The following DDX60 variants were observed in gnomAD, a reference collection of about 807,000 sequenced individuals.
DDX60 encodes probable ATP-dependent RNA helicase DDX60.
DDX60 carries 165 observed loss-of-function variants against 212.8 expected under a neutral mutation model. That is an observed-to-expected ratio of 0.78 (90% CI 0.68 to 0.88). The LOEUF (loss-of-function observed/expected upper bound fraction) is 0.88, where lower values mean the gene tolerates loss of function less well. Among genes scored for constraint, DDX60 ranks in the 40% least tolerant of loss-of-function variants. DDX60 has a pLI of 0.00. For synonymous variants in DDX60, 703 were observed against 685.3 expected (o/e 1.03, Z -0.40); for missense variants, 1,905 against 2,003.9 (o/e 0.95, Z 0.94).
intron 1 of DDX60, among the ~76,000 whole-genome samples, chr4:168,316,513 G>A (rs497179): frequency 0.37 from 56,817 of 151,922 alleles, 11,605 homozygotes; most frequent in African/African-American, 0.55. Flanking sequence ...AATAGCATCT[G>A]AAGACAATAT....
In DDX60 at chr4:168,233,819, T is replaced by C. The variant is rs112450723; in HGVS notation, c.4533+2433A>G. Among the ~76,000 whole-genome samples, 257 of 152,058 alleles carry C rather than the reference T, an allele frequency of 1.7e-3. 1 individual carries two copies. Among genetic ancestry groups the C allele is most frequent in the Middle Eastern group, 0.01 (3 of 294 alleles). ...AAATCACTACTAAAGAACTTATACA[T>C]GTAACCAAACACCAACTGTTTCTCC... is the stretch of plus-strand genomic sequence containing the variant. On this transcript the variant is annotated intron_variant, in intron 33 of 37. Transcript: ENST00000393743.
rs778806064 is a variant in DDX60 at position 168,273,362 on chromosome 4, G to T, written c.2491C>A (p.Arg831Ser). ...CCACTTGGCAGATTTTTCGTAAAAC[G>T]ATTCTGAACAGTTGCTGCCACTTGA... ...VNQVAATVQN[R>S]FTKNLPSGEV... Residue 831 changes from arginine (R) to serine (S), a missense_variant, in exon 18 of 38, where the codon CGT becomes AGT. Physicochemically the swap from Arg to Ser is moderately radical, Grantham distance 110. Coordinates refer to ENST00000393743, the MANE Select transcript of DDX60 (RefSeq NM_017631.6). 1.2e-6 allele frequency: 2 copies of T among 1,613,784 alleles called. No individual in the cohort carries two copies. Among genetic ancestry groups the T allele is most frequent in the East Asian group, 2.2e-5 (1 of 44,822 alleles).
intron 26 of DDX60, 76 bp from the exon 27 acceptor site, chr4:168,252,732 G>A: frequency 8.1e-7 from 1 of 1,233,948 alleles, no homozygotes; most frequent in South Asian, 1.4e-5. Flanking sequence ...TTGGCCACCA[G>A]AGGATGCCCA....
At chr4:168,284,755 C>G in intron 12 of DDX60, 65 bp downstream of exon 12, 1 of 782,660 alleles carries the variant, frequency 1.3e-6, no homozygotes, top group Non-Finnish European at 1.9e-6. Flanking sequence ...TAATTTTCCA[C>G]TATAAAATAA....
Position 168,237,428 on chromosome 4 carries a change from C to A in DDX60, c.4270-1G>T. Reference sequence around the variant, plus strand: ...GATTACCTTCTTGATCTAAATAGCCCTAAAGAACAAAAAACAATTTATTAG... The same window carrying A: ...GATTACCTTCTTGATCTAAATAGCCATAAAGAACAAAAAACAATTTATTAG... On this transcript the variant is annotated splice_acceptor_variant, in intron 31 of 37. Coordinates refer to ENST00000393743, the MANE Select transcript of DDX60 (RefSeq NM_017631.6). LOFTEE classifies it high-confidence loss of function. 1 of 1,551,936 alleles carries A rather than the reference C, an allele frequency of 6.4e-7. No individual in the cohort carries two copies. Among genetic ancestry groups the A allele is most frequent in the Non-Finnish European group, 8.7e-7 (1 of 1,155,502 alleles).
chr4:168,323,010 G>A (rs1737636000), upstream of DDX60, among the ~76,000 whole-genome samples: 1 of 152,216 alleles, frequency 6.6e-6, no homozygotes, highest in African/African-American at 2.4e-5. Flanking sequence ...AGAGCTAGGT[G>A]GGAAGGCTTT....
chr4:168,237,942 AGT>A (rs1373642487), intron 30 of DDX60, 147 bp from the exon 31 acceptor site: 2 of 568,364 alleles, frequency 3.5e-6, no homozygotes, highest in African/African-American at 3.9e-5. Flanking sequence ...ATTATTTTAT[AGT>A]GTTACATGGC....
chr4:168,277,129 T>A (rs769804425), intron 14 of DDX60, among the ~76,000 whole-genome samples: 3 of 152,236 alleles, frequency 2.0e-5, no homozygotes, highest in African/African-American at 7.2e-5. Context: ...CACATCTTGA[T>A]GTGATCCTAT....
intron 7 of DDX60, among the ~76,000 whole-genome samples, 189 bp downstream of exon 7, chr4:168,293,598 A>G (rs547002756): frequency 6.6e-6 from 1 of 152,366 alleles, no homozygotes; most frequent in East Asian, 1.9e-4. Context: ...GCACATAGTA[A>G]AACATTAAAT....
chr4:168,277,510 G>A (rs868167608), intron 14 of DDX60, among the ~76,000 whole-genome samples: 1 of 152,056 alleles, frequency 6.6e-6, no homozygotes, highest in Non-Finnish European at 1.5e-5. Context: ...GTGGTGTCAG[G>A]GATCTGAGCT....
chr4:168,314,138 C>T, intron 1 of DDX60, among the ~76,000 whole-genome samples: 1 of 152,126 alleles, frequency 6.6e-6, no homozygotes, highest in East Asian at 1.9e-4. Context: ...CTAAAGTAGG[C>T]TTACACACCC....
rs1642527381 is a variant in DDX60, at chr4:168,260,865, A to C, written c.3398T>G (p.Leu1133Ter). Reference sequence around the variant, plus strand: ...AACCAAATTAAATTAAATAACTTACAAAAAAAATAGTGCAGGTAACTTCTC... The same window carrying C: ...AACCAAATTAAATTAAATAACTTACCAAAAAAATAGTGCAGGTAACTTCTC... ...KMEKLPALFF[L>*]FKLGAVENAA... Residue 1133 changes from leucine to a stop codon, truncating the protein, a stop_gained and splice_region_variant, in exon 25 of 38, where the codon TTA (leucine) becomes TGA (stop). Coordinates refer to ENST00000393743, the MANE Select transcript of DDX60 (RefSeq NM_017631.6). LOFTEE classifies it high-confidence loss of function. The C allele has an allele frequency of 1.3e-6, 2 of 1,561,814 alleles. No individual in the cohort carries two copies. The highest frequency in any genetic ancestry group is 1.4e-5 in the African/African-American group (1 of 72,724).
At chr4:168,262,986 C>T (rs983532181) in intron 22 of DDX60, among the ~76,000 whole-genome samples, 199 bp from the exon 23 acceptor site, 1 of 152,054 alleles carries the variant, frequency 6.6e-6, no homozygotes, top group Non-Finnish European at 1.5e-5. Context: ...CAAAAGCCCA[C>T]CAAAAAATTT....
At chr4:168,308,946 C>G (rs1579084707) in intron 3 of DDX60, among the ~76,000 whole-genome samples, 1 of 152,030 alleles carries the variant, frequency 6.6e-6, no homozygotes, top group Admixed American at 6.6e-5. Flanking sequence ...AAAATATACA[C>G]AGATCTATTG....
rs199887468 is a variant in DDX60 at position 168,306,627 on chromosome 4, G to A, written c.358C>T (p.Arg120Ter). 449 of 1,613,876 alleles carry A rather than the reference G, an allele frequency of 2.8e-4. No individual in the cohort carries two copies. The highest frequency in any genetic ancestry group is 3.7e-4 in the Non-Finnish European group (439 of 1,179,962). The change falls in exon 5 of 38, where the codon CGA (arginine) becomes TGA (stop). Residue 120 changes from arginine (R) to a stop codon, truncating the protein, a stop_gained. Coordinates refer to ENST00000393743, the MANE Select transcript of DDX60 (RefSeq NM_017631.6). LOFTEE classifies it high-confidence loss of function. ...HLQKNTTIDV[R>*]TTFSRCLSKE... Reference sequence around the variant, plus strand: ...GATAAGCATCTCGAAAATGTTGTTCGAACATCAATGGTGGTATTCTTCTGA... The same window carrying A: ...GATAAGCATCTCGAAAATGTTGTTCAAACATCAATGGTGGTATTCTTCTGA...
chr4:168,325,569 C>T, the DDX60 span, among the ~76,000 whole-genome samples: 3 of 152,166 alleles, frequency 2.0e-5, no homozygotes, highest in Admixed American at 6.5e-5. Context: ...TTTAAGAATA[C>T]ATTCAAACAA....
chr4:168,225,226 G>T (rs1733209204), intron 34 of DDX60, among the ~76,000 whole-genome samples: 1 of 151,990 alleles, frequency 6.6e-6, no homozygotes, highest in African/African-American at 2.4e-5. Context: ...TTCCTCTCAA[G>T]AGAGAGTGAC....
chr4:168,313,726 A>T (rs939625612), intron 1 of DDX60, among the ~76,000 whole-genome samples: 16 of 152,166 alleles, frequency 1.1e-4, no homozygotes, highest in Non-Finnish European at 2.9e-5. Context: ...AGTCTCAGGA[A>T]TTTTTTTATG....
intron 6 of DDX60, among the ~76,000 whole-genome samples, chr4:168,295,228 G>A (rs1427622174): frequency 1.3e-5 from 2 of 152,154 alleles, no homozygotes; most frequent in Non-Finnish European, 2.9e-5. Flanking sequence ...TCCCATGTCT[G>A]GGTATGTATC....
Sources: allele counts gnomAD v4.1 joint callset (sites outside exome capture counted in the v4.1 genomes callset), GRCh38; gene constraint gnomAD v4.1.1; transcripts MANE v1.5; gene names NCBI Gene and HGNC (gene_info 2026-07-23, HGNC 2026-07-21).